The following AGBL1 variants were observed in gnomAD, a reference collection of about 807,000 sequenced individuals.
The protein encoded by AGBL1 is AGBL carboxypeptidase 1.
A neutral mutation model predicts 118.9 loss-of-function variants in AGBL1; 130 were observed. The ratio of observed to expected loss-of-function variants is 1.09; its 90% CI spans 0.95 to 1.26. AGBL1 has a LOEUF of 1.26. Among genes scored for constraint, AGBL1 ranks in the 50% most tolerant of loss-of-function variants. The pLI, the probability that AGBL1 is intolerant of heterozygous loss-of-function variation, is 0.00. For missense variants in AGBL1, 1,584 were observed against 1,298.1 expected, an observed-to-expected ratio of 1.22 and a Z score of -3.38; for synonymous variants, 555 against 478.9, an observed-to-expected ratio of 1.16 and a Z score of -2.08.
intron 22 of AGBL1, among the ~76,000 whole-genome samples, chr15:86,703,558 G>A (rs1331342734): frequency 4.6e-5 from 7 of 152,008 alleles, no homozygotes; most frequent in East Asian, 1.9e-4. Flanking sequence ...TTTCTGTTAC[G>A]GTTTGTCTCT....
In AGBL1 at chr15:86,196,861, GCACATGTGCGCGCGCGCGCACA is replaced by G. The variant is rs1337082073; in HGVS notation, c.489-28048_489-28027del. On this transcript the variant is annotated intron_variant, in intron 5 of 22. Transcript: ENST00000614907. ...CTCCTCTCCCTGCATATGCGAATGTGCACATGTGCGCGCGCGCGCACACACACACACACACACACACACACAC... is the reference window on the plus strand; with the variant it reads ...CTCCTCTCCCTGCATATGCGAATGTGCACACACACACACACACACACACAC... Among the ~76,000 whole-genome samples the G allele has an allele frequency of 3.5e-3, 379 of 108,932 alleles. 2 individuals carry two copies. Among genetic ancestry groups the G allele is most frequent in the South Asian group, 0.02 (59 of 2,958 alleles). The allele number at this position is 108,932 out of a possible 152,430, so 71.5% of individuals were successfully genotyped here. A position where few individuals can be genotyped will look rare whatever the true frequency, so the allele number is the denominator to read the frequency against.
At chr15:86,770,184 C>A (rs2078156397) in intron 22 of AGBL1, among the ~76,000 whole-genome samples, 1 of 151,960 alleles carries the variant, frequency 6.6e-6, no homozygotes, top group Non-Finnish European at 1.5e-5. Context: ...AGATAATCTA[C>A]ATGTATCTGG....
At chr15:86,941,992 A>G (rs1416593889) in intron 23 of AGBL1, among the ~76,000 whole-genome samples, 1 of 152,230 alleles carries the variant, frequency 6.6e-6, no homozygotes, top group Non-Finnish European at 1.5e-5. Context: ...CTGAGAGGCA[A>G]TGGATGAATA....
At chr15:86,619,462 T>A (rs528378550) in intron 21 of AGBL1, among the ~76,000 whole-genome samples, 5 of 152,252 alleles carry the variant, frequency 3.3e-5, no homozygotes, top group Admixed American at 1.3e-4. Flanking sequence ...CATTAGCTTT[T>A]GATGTCACTT....
chr15:86,655,350 G>C (rs1383047287), intron 21 of AGBL1, among the ~76,000 whole-genome samples: 1 of 152,162 alleles, frequency 6.6e-6, no homozygotes. Context: ...ATTGACTCCG[G>C]CTTCTATTTA....
At chr15:86,795,318 C>T (rs16977990) in intron 22 of AGBL1, among the ~76,000 whole-genome samples, 7,442 of 152,018 alleles carry the variant, frequency 0.049, 383 homozygotes, top group Admixed American at 0.17. Context: ...ATCTGACAGC[C>T]GATCTTTTAT....
chr15:86,145,274 CT>C (rs2077017717), intron 3 of AGBL1, among the ~76,000 whole-genome samples: 1 of 152,172 alleles, frequency 6.6e-6, no homozygotes, highest in African/African-American at 2.4e-5. Flanking sequence ...TGGAACATTC[CT>C]AGTTGAAGGG....
intron 19 of AGBL1, among the ~76,000 whole-genome samples, chr15:86,540,850 T>G (rs1279105356): frequency 2.0e-5 from 3 of 152,200 alleles, no homozygotes; most frequent in Non-Finnish European, 2.9e-5. Context: ...TCCTTCTCCT[T>G]CACTCTGAAT....
chr15:86,248,512 A>T (rs2078757546), intron 7 of AGBL1, among the ~76,000 whole-genome samples: 1 of 152,194 alleles, frequency 6.6e-6, no homozygotes, highest in Non-Finnish European at 1.5e-5. Flanking sequence ...GAAGTCACTC[A>T]ACTTCTCTGG....
chr15:86,237,369 C>T (rs1237933356), intron 6 of AGBL1, among the ~76,000 whole-genome samples: 1 of 152,166 alleles, frequency 6.6e-6, no homozygotes, highest in African/African-American at 2.4e-5. Flanking sequence ...GAATTGCTTT[C>T]CTGCTGTCTA....
In AGBL1 at chr15:86,818,491, C is replaced by T. The variant is rs868343047; in HGVS notation, c.3159-88596C>T. On this transcript the variant is annotated intron_variant, in intron 22 of 22. Coordinates refer to ENST00000614907, the MANE Select transcript of AGBL1 (RefSeq NM_001386094.1). ...TGATCTGAGGTGGAACAGTTTCATT[C>T]AGAAACCACTCCCCCAAACCCCAAC... 4.6e-5 allele frequency among the ~76,000 whole-genome samples: 7 copies of T among 152,306 alleles called. No individual in the cohort carries two copies. The South Asian group carries it at 1.4e-3, about 32-fold the overall frequency.
At chr15:86,801,884 A>G (rs1383935549) in intron 22 of AGBL1, among the ~76,000 whole-genome samples, 1 of 152,130 alleles carries the variant, frequency 6.6e-6, no homozygotes, top group African/African-American at 2.4e-5. Context: ...TGGAGCTCTC[A>G]GAGACTTAAA....
At chr15:86,953,082 G>A (rs76642539) in intron 23 of AGBL1, among the ~76,000 whole-genome samples, 2,494 of 152,158 alleles carry the variant, frequency 0.016, 66 homozygotes, top group African/African-American at 0.058. Flanking sequence ...TAGTTTTATC[G>A]TTTGAAGTGG....
intron 1 of AGBL1, among the ~76,000 whole-genome samples, chr15:86,104,694 T>A (rs1896933389): frequency 6.6e-6 from 1 of 152,190 alleles, no homozygotes; most frequent in African/African-American, 2.4e-5. Flanking sequence ...GCTCCCAGAA[T>A]GTGGAGATAC....
At chr15:86,746,624 A>G (rs949304695) in intron 22 of AGBL1, among the ~76,000 whole-genome samples, 11 of 152,110 alleles carry the variant, frequency 7.2e-5, no homozygotes, top group Non-Finnish European at 1.0e-4. Context: ...GAGAAGGTCC[A>G]GCACAAAATA....
intron 5 of AGBL1, among the ~76,000 whole-genome samples, chr15:86,194,495 A>C (rs891668760): frequency 3.3e-5 from 5 of 152,192 alleles, no homozygotes; most frequent in Admixed American, 2.6e-4. Flanking sequence ...CTTTTAATGT[A>C]CTTCAGGATT....
chr15:86,940,853 T>C (rs1310052644), intron 23 of AGBL1, among the ~76,000 whole-genome samples: 2 of 152,216 alleles, frequency 1.3e-5, no homozygotes, highest in Non-Finnish European at 2.9e-5. Flanking sequence ...ACAAGAAATA[T>C]AAATTTGAAA....
chr15:86,239,030 G>A (rs1214635034), intron 6 of AGBL1, among the ~76,000 whole-genome samples: 7 of 152,180 alleles, frequency 4.6e-5, no homozygotes, highest in African/African-American at 1.7e-4. Context: ...GATGTGTGAG[G>A]AAGAGAAAGG....
intron 22 of AGBL1, among the ~76,000 whole-genome samples, chr15:86,884,391 C>T (rs911095197): frequency 1.3e-5 from 2 of 152,202 alleles, no homozygotes; most frequent in African/African-American, 2.4e-5. Context: ...TTAAAACTTA[C>T]GATTTGTTTA....
Sources: gnomAD v4.1 joint callset for allele counts (sites outside exome capture counted in the v4.1 genomes callset) on GRCh38, gnomAD v4.1.1 for gene constraint, MANE v1.5 for transcripts, NCBI Gene and HGNC (gene_info 2026-07-23, HGNC 2026-07-21) for gene names.